The following ZNF341 variants were observed in gnomAD, a reference collection of about 807,000 sequenced individuals.
ZNF341 encodes zinc finger protein 341.
In ZNF341, 52 loss-of-function variants were observed where a neutral mutation model predicts 87.7. That is an observed-to-expected ratio of 0.59 (90% CI 0.47 to 0.75). ZNF341 has a LOEUF of 0.75. Among genes scored for constraint, ZNF341 ranks in the 30% least tolerant of loss-of-function variants. The pLI, the probability that ZNF341 is intolerant of heterozygous loss-of-function variation, is 0.00. For missense variants in ZNF341, 977 were observed against 1,145.9 expected (o/e 0.85, Z 2.13); for synonymous variants, 459 against 472.7 (o/e 0.97, Z 0.38).
At chr20:33,770,948 G>A (rs1372208568) in intron 10 of ZNF341, among the ~76,000 whole-genome samples, 4 of 151,730 alleles carry the variant, frequency 2.6e-5, no homozygotes, top group East Asian at 1.9e-4. Context: ...GTGAAACCCC[G>A]TCTCTACTAA....
intron 10 of ZNF341, among the ~76,000 whole-genome samples, chr20:33,773,038 G>A (rs2019560323): frequency 6.6e-6 from 1 of 152,176 alleles, no homozygotes; most frequent in Non-Finnish European, 1.5e-5. Flanking sequence ...TTATCTGTGA[G>A]TTCCTGTGGC....
chr20:33,775,431 C>T (rs1296376160), intron 10 of ZNF341, among the ~76,000 whole-genome samples: 3 of 151,112 alleles, frequency 2.0e-5, no homozygotes, highest in Non-Finnish European at 4.4e-5. Flanking sequence ...AGGATGGTCT[C>T]GATCCCTGAC....
chr20:33,790,359 CACCGGCGCCTG>C (rs1026189831), intron 14 of ZNF341, among the ~76,000 whole-genome samples: 26 of 152,218 alleles, frequency 1.7e-4, no homozygotes, highest in African/African-American at 6.3e-4. Context: ...AGGTGTGAGC[CACCGGCGCCTG>C]GCCTGTAATC....
At chr20:33,740,597 C>CAGGCTCAA (rs1205023422) in intron 1 of ZNF341, among the ~76,000 whole-genome samples, 1 of 152,110 alleles carries the variant, frequency 6.6e-6, no homozygotes, top group Non-Finnish European at 1.5e-5. Flanking sequence ...CTTGACCATC[C>CAGGCTCAA]AGGCTCAAGC....
At chr20:33,738,431 A>G (rs1328786651) in intron 1 of ZNF341, among the ~76,000 whole-genome samples, 1 of 152,186 alleles carries the variant, frequency 6.6e-6, no homozygotes, top group African/African-American at 2.4e-5. Context: ...CATTAGCTTC[A>G]CAAAGGAGGG....
chr20:33,774,197 C>T (rs2019584028), intron 10 of ZNF341, among the ~76,000 whole-genome samples: 1 of 151,024 alleles, frequency 6.6e-6, no homozygotes, highest in Non-Finnish European at 1.5e-5. Flanking sequence ...GAGCCTGAGG[C>T]AGGAGAATCG....
intron 1 of ZNF341, among the ~76,000 whole-genome samples, chr20:33,739,917 T>A (rs1755090985): frequency 6.6e-6 from 1 of 152,182 alleles, no homozygotes; most frequent in African/African-American, 2.4e-5. Flanking sequence ...CAGGCTGGAG[T>A]GCAGTGGCAG....
intron 1 of ZNF341, 124 bp from the exon 2 acceptor site, chr20:33,740,778 G>T: frequency 1.3e-6 from 1 of 746,918 alleles, no homozygotes. Context: ...ATGGTGCTGG[G>T]ATTACAGGTC....
chr20:33,772,750 G>A (rs2019557125), intron 10 of ZNF341, among the ~76,000 whole-genome samples: 1 of 152,148 alleles, frequency 6.6e-6, no homozygotes, highest in South Asian at 2.1e-4. Context: ...GGAAGCGGGA[G>A]GGAGATGTTT....
At chr20:33,739,909 G>C (rs543121625) in intron 1 of ZNF341, among the ~76,000 whole-genome samples, 2 of 152,214 alleles carry the variant, frequency 1.3e-5, no homozygotes, top group Non-Finnish European at 2.9e-5. Flanking sequence ...TTGTTGCCCA[G>C]GCTGGAGTGC....
At chr20:33,745,470 G>A (rs1200273411) in intron 3 of ZNF341, among the ~76,000 whole-genome samples, 171 bp downstream of exon 3, 1 of 152,146 alleles carries the variant, frequency 6.6e-6, no homozygotes, top group Non-Finnish European at 1.5e-5. Flanking sequence ...GTTAAATGCG[G>A]AGAGATAGGG....
Position 33,789,571 on chromosome 20 carries a change from A to G in ZNF341, c.2018A>G (p.His673Arg). Residue 673 changes from histidine (H) to arginine (R), a missense_variant, in exon 14 of 15, where the codon CAC becomes CGC. Physicochemically the swap from His to Arg is conservative, Grantham distance 29. Transcript: ENST00000375200. ...EFNRPDKLKAHILSHSGMKLH... is the reference protein window; with the variant it reads ...EFNRPDKLKARILSHSGMKLH... Reference sequence around the variant, plus strand: ...AACCGGCCGGACAAGCTGAAGGCCCACATCCTCTCCCACTCTGGTAAGTGG... The same window carrying G: ...AACCGGCCGGACAAGCTGAAGGCCCGCATCCTCTCCCACTCTGGTAAGTGG... The G allele has an allele frequency of 6.2e-7, 1 of 1,614,124 alleles. No homozygotes were observed. The highest frequency in any genetic ancestry group is 1.6e-4 in the Middle Eastern group (1 of 6,062).
chr20:33,774,148 T>G (rs924871368), intron 10 of ZNF341, among the ~76,000 whole-genome samples: 57 of 141,272 alleles, frequency 4.0e-4, no homozygotes, highest in African/African-American at 1.5e-3. Context: ...AAAAATTAGC[T>G]GGGTGTGGTG....
At chr20:33,752,299 G>A (rs1302315790) in intron 4 of ZNF341, 2 of 605,996 alleles carry the variant, frequency 3.3e-6, no homozygotes, top group Admixed American at 1.9e-5. Context: ...CACGGATGCA[G>A]TATGGGACAT....
chr20:33,747,614 CAAAAA>C (rs773781002), intron 3 of ZNF341, among the ~76,000 whole-genome samples: 1 of 15,624 alleles, frequency 6.4e-5, no homozygotes, highest in Non-Finnish European at 9.8e-5. Flanking sequence ...GACTCCGTCT[CAAAAA>C]AAAAAAAAAA....
intron 10 of ZNF341, 64 bp from the exon 11 acceptor site, chr20:33,781,227 C>T: frequency 1.2e-5 from 15 of 1,297,466 alleles, no homozygotes; most frequent in Non-Finnish European, 1.7e-5. Context: ...CCTGGGGTGG[C>T]CGGGGCGCTG....
Position 33,748,255 on chromosome 20 carries a change from A to G in ZNF341, c.340-668A>G, listed in dbSNP as rs147539015. On this transcript the variant is annotated intron_variant, in intron 3 of 14. Coordinates refer to ENST00000375200, the MANE Select transcript of ZNF341 (RefSeq NM_001282933.2). Reference sequence around the variant, plus strand: ...CCTAGCTACTTTTTGTATTTTTAGTAGAGATGGGGTTTCACCACGTTGGCC... The same window carrying G: ...CCTAGCTACTTTTTGTATTTTTAGTGGAGATGGGGTTTCACCACGTTGGCC... 1.3e-3 allele frequency among the ~76,000 whole-genome samples: 194 copies of G among 150,722 alleles called. 1 individual carries two copies. The highest frequency in any genetic ancestry group is 4.2e-3 in the African/African-American group (174 of 40,990).
intron 10 of ZNF341, among the ~76,000 whole-genome samples, chr20:33,778,533 A>G (rs534084551): frequency 6.6e-6 from 1 of 152,056 alleles, no homozygotes; most frequent in African/African-American, 2.4e-5. Context: ...TTGGTCTCGA[A>G]CTCCTGACCT....
intron 7 of ZNF341, among the ~76,000 whole-genome samples, chr20:33,760,996 C>G (rs1024153366): frequency 6.6e-6 from 1 of 151,686 alleles, no homozygotes; most frequent in African/African-American, 2.4e-5. Context: ...ATTTTATTTT[C>G]ATTTATTTTA....
Sources: allele counts gnomAD v4.1 joint callset (sites outside exome capture counted in the v4.1 genomes callset), GRCh38; gene constraint gnomAD v4.1.1; transcripts MANE v1.5; gene names NCBI Gene and HGNC (gene_info 2026-07-23, HGNC 2026-07-21).